Variants in HHLA2 observed in about 807,000 individuals in gnomAD.
HHLA2 encodes the protein HHLA2 member of B7 family, also known as HERV-H LTR-associating protein 2.
A neutral mutation model predicts 45.9 loss-of-function variants in HHLA2; 48 were observed. The ratio of observed to expected loss-of-function variants is 1.05; its 90% CI spans 0.83 to 1.33. The LOEUF is 1.33. Ranked by LOEUF, HHLA2 falls within the 40% of genes most tolerant of loss-of-function variation. The probability of loss-of-function intolerance (pLI) is 0.00; values close to 1 mark genes in which losing one functional copy is unlikely to be tolerated. For synonymous variants in HHLA2, 161 were observed against 173.9 expected (o/e 0.93, Z 0.59); for missense variants, 462 against 494.3 (o/e 0.93, Z 0.62).
intron 3 of HHLA2, among the ~76,000 whole-genome samples, chr3:108,346,977 G>A (rs1243894142): frequency 6.6e-6 from 1 of 152,112 alleles, no homozygotes; most frequent in Non-Finnish European, 1.5e-5. Flanking sequence ...TATTGCAGAG[G>A]CTGCCTCTCT....
At position 108,355,468 on chromosome 3, in the gene HHLA2, T is replaced by C. The variant is rs1036651818; in HGVS notation, c.685+87T>C. On this transcript the variant is annotated intron_variant, in intron 6 of 10. Coordinates refer to ENST00000619531, the Ensembl canonical transcript of HHLA2. ...TGATTTGCAAAAAAAGAAAGGAAGA[T>C]GAAAGAAAAGAAAGCAAATCCATCT... 31 of 1,455,284 alleles carry C rather than the reference T, an allele frequency of 2.1e-5. No individual in the cohort carries two copies. The East Asian group carries it at 6.2e-4, about 29-fold the overall frequency. 90.1% of individuals were successfully genotyped at this position (1,455,284 alleles called of 1,614,324 possible). A position where few individuals can be genotyped will look rare whatever the true frequency, so the allele number is the denominator to read the frequency against.
chr3:108,370,027 C>T (rs1330690288), intron 8 of HHLA2, among the ~76,000 whole-genome samples: 2 of 150,538 alleles, frequency 1.3e-5, no homozygotes, highest in African/African-American at 5.0e-5. Context: ...AAGTGGGTCC[C>T]TGACCCCCGA....
At chr3:108,298,398 T>C (rs147018380) in intron 1 of HHLA2, among the ~76,000 whole-genome samples, 5 of 152,360 alleles carry the variant, frequency 3.3e-5, no homozygotes, top group African/African-American at 7.2e-5. Flanking sequence ...ACTATCTTTA[T>C]AACATGTACA....
chr3:108,375,807 C>T lies in HHLA2; in HGVS notation c.1159+7C>T. On this transcript the variant is annotated splice_region_variant and intron_variant, in intron 9 of 10. Coordinates refer to ENST00000619531, the Ensembl canonical transcript of HHLA2. Reference sequence around the variant, plus strand: ...GCTGATGGAGCCCAACAAGGTCAGCCTCCCATGTCTGAGAGAAGAATGGAT... The same window carrying T: ...GCTGATGGAGCCCAACAAGGTCAGCTTCCCATGTCTGAGAGAAGAATGGAT... 1 of 1,609,674 alleles carries T rather than the reference C, an allele frequency of 6.2e-7. No individual in the cohort carries two copies. The highest frequency in any genetic ancestry group is 8.5e-7 in the Non-Finnish European group (1 of 1,177,328).
intron 3 of HHLA2, among the ~76,000 whole-genome samples, chr3:108,345,085 A>G (rs1352941905): frequency 2.0e-5 from 3 of 152,182 alleles, no homozygotes; most frequent in African/African-American, 7.2e-5. Flanking sequence ...GGGCAAGTAA[A>G]GAGAGCAGTG....
chr3:108,345,451 G>T (rs2081644288), intron 3 of HHLA2, among the ~76,000 whole-genome samples: 1 of 152,246 alleles, frequency 6.6e-6, no homozygotes. Context: ...GATAGTAAAT[G>T]TGTGGTATTG....
At chr3:108,317,319 T>G (rs2081119257) in intron 2 of HHLA2, among the ~76,000 whole-genome samples, 1 of 152,184 alleles carries the variant, frequency 6.6e-6, no homozygotes, top group African/African-American at 2.4e-5. Context: ...TATAGACACA[T>G]TCTTCACTAT....
intron 8 of HHLA2, among the ~76,000 whole-genome samples, chr3:108,367,869 ACTC>A (rs1330951916): frequency 1.3e-5 from 2 of 151,728 alleles, no homozygotes; most frequent in Non-Finnish European, 2.9e-5. Context: ...CCACTAAAAT[ACTC>A]CTTGAGAAGA....
At chr3:108,363,746 G>A (rs2082017071) in intron 8 of HHLA2, among the ~76,000 whole-genome samples, 1 of 152,132 alleles carries the variant, frequency 6.6e-6, no homozygotes, top group Non-Finnish European at 1.5e-5. Flanking sequence ...ACTCAAGAAT[G>A]ATAGTTTAGT....
At chr3:108,325,980 G>T in intron 2 of HHLA2, 1 of 351,036 alleles carries the variant, frequency 2.8e-6, no homozygotes, top group South Asian at 2.8e-5. Context: ...GTATTATCCA[G>T]GGAGTCATGG....
At chr3:108,347,677 T>A (rs2081691655) in intron 3 of HHLA2, among the ~76,000 whole-genome samples, 1 of 152,168 alleles carries the variant, frequency 6.6e-6, no homozygotes, top group African/African-American at 2.4e-5. Flanking sequence ...GCCGAATGCG[T>A]ATTTGTAGAT....
At chr3:108,316,139 C>T (rs892830057) in intron 2 of HHLA2, among the ~76,000 whole-genome samples, 1 of 150,454 alleles carries the variant, frequency 6.6e-6, no homozygotes, top group Non-Finnish European at 1.5e-5. Context: ...AATATTCCAG[C>T]CGGAAAAGTC....
intron 8 of HHLA2, among the ~76,000 whole-genome samples, chr3:108,369,461 G>A (rs189077762): frequency 1.4e-3 from 216 of 152,242 alleles, no homozygotes; most frequent in Admixed American, 5.4e-3. Context: ...GCCTGACAGT[G>A]GGTGCAGGAC....
intron 2 of HHLA2, among the ~76,000 whole-genome samples, chr3:108,320,342 A>G (rs1228367476): frequency 2.6e-5 from 4 of 152,246 alleles, no homozygotes; most frequent in Non-Finnish European, 5.9e-5. Context: ...AAAGAACAAC[A>G]GAAAAAAACC....
chr3:108,337,300 G>A (rs544234967), intron 3 of HHLA2, among the ~76,000 whole-genome samples: 2 of 152,226 alleles, frequency 1.3e-5, no homozygotes, highest in East Asian at 3.9e-4. Flanking sequence ...TGACAGATTA[G>A]AAACAAAAGT....
At chr3:108,335,658 A>G (rs1053493853) in intron 3 of HHLA2, among the ~76,000 whole-genome samples, 5 of 152,214 alleles carry the variant, frequency 3.3e-5, no homozygotes, top group African/African-American at 1.2e-4. Flanking sequence ...GATCCAGAAC[A>G]TGAGACAGTT....
chr3:108,320,928 G>T (rs964928416), intron 2 of HHLA2, among the ~76,000 whole-genome samples: 7 of 151,952 alleles, frequency 4.6e-5, no homozygotes, highest in African/African-American at 1.7e-4. Flanking sequence ...GTTCCAGCTC[G>T]CAGAAGTCAG....
rs76162359 is a variant in HHLA2 at position 108,307,004 on chromosome 3, C to T, written c.-191-3651C>T. Among the ~76,000 whole-genome samples, 515 of 152,150 alleles carry T rather than the reference C, an allele frequency of 3.4e-3. 4 individuals carry two copies. The highest frequency in any genetic ancestry group is 0.019 in the South Asian group (93 of 4,820). ...CCAAGTATCTGGGATTACAGGCATC[C>T]GCCACCATGCCTGGCTAACTTTTGT... On this transcript the variant is annotated intron_variant, in intron 1 of 10. Transcript: ENST00000619531.
chr3:108,370,070 C>T (rs990639207), intron 8 of HHLA2, among the ~76,000 whole-genome samples: 8 of 152,168 alleles, frequency 5.3e-5, no homozygotes, highest in East Asian at 3.9e-4. Context: ...CCAGTAGGGG[C>T]GGACTCACAC....
Sources: allele counts gnomAD v4.1 joint callset (sites outside exome capture counted in the v4.1 genomes callset), GRCh38; gene constraint gnomAD v4.1.1; transcripts MANE v1.5; gene names NCBI Gene and HGNC (gene_info 2026-07-23, HGNC 2026-07-21).